The following CA10 variants were observed in gnomAD, a reference collection of about 807,000 sequenced individuals.
The protein encoded by CA10 is carbonic anhydrase 10 (inactive).
In CA10, 14 loss-of-function variants were observed where a neutral mutation model predicts 44.2. The observed-to-expected ratio is 0.32, with a 90% CI of 0.21 to 0.50. CA10 has a LOEUF of 0.50. Among genes scored for constraint, CA10 ranks in the 20% least tolerant of loss-of-function variants. The pLI is 0.99. For synonymous variants in CA10, 159 were observed against 141.6 expected (o/e 1.12, Z -0.87); for missense variants, 350 against 409.7 (o/e 0.85, Z 1.26).
intron 3 of CA10, among the ~76,000 whole-genome samples, chr17:51,770,408 C>T (rs147178838): frequency 2.0e-5 from 3 of 152,014 alleles, no homozygotes; most frequent in Non-Finnish European, 2.9e-5. Context: ...AACCCTCCCC[C>T]GAGACCCTAG....
intron 3 of CA10, among the ~76,000 whole-genome samples, chr17:51,814,450 G>C (rs547891414): frequency 5.5e-4 from 84 of 152,294 alleles, no homozygotes; most frequent in African/African-American, 1.9e-3. Flanking sequence ...AGAAATGTAC[G>C]AGTGGGAAAT....
intron 1 of CA10, among the ~76,000 whole-genome samples, chr17:52,091,776 T>C (rs1401445541): frequency 6.6e-6 from 1 of 152,114 alleles, no homozygotes; most frequent in African/African-American, 2.4e-5. Flanking sequence ...TAGCAGGAAA[T>C]GGCAAACACT....
At chr17:51,815,623 C>T (rs1346046670) in intron 3 of CA10, among the ~76,000 whole-genome samples, 16 of 151,980 alleles carry the variant, frequency 1.1e-4, no homozygotes, top group Admixed American at 9.2e-4. Flanking sequence ...TACCATCTGC[C>T]GGTAAAATCC....
At chr17:51,823,587 A>G (rs1240799728) in intron 3 of CA10, among the ~76,000 whole-genome samples, 1 of 152,150 alleles carries the variant, frequency 6.6e-6, no homozygotes, top group Non-Finnish European at 1.5e-5. Flanking sequence ...AACTTTTCTG[A>G]TTACTCCATT....
rs374421057 is a variant in CA10, at chr17:51,818,116, C to T, written c.280-70298G>A. ...GATACAAGTCAACCCTTGTTTATCTCTGCTGTTGAATTGCTGTGTGATCCT... is the reference window on the plus strand; with the variant it reads ...GATACAAGTCAACCCTTGTTTATCTTTGCTGTTGAATTGCTGTGTGATCCT... On this transcript the variant is annotated intron_variant, in intron 3 of 8. Coordinates refer to ENST00000451037, the MANE Select transcript of CA10 (RefSeq NM_020178.5). Among the ~76,000 whole-genome samples the T allele has an allele frequency of 1.2e-4, 18 of 152,306 alleles. 2 individuals carry two copies. Among genetic ancestry groups the T allele is most frequent in the African/African-American group, 4.3e-4 (18 of 41,572 alleles).
chr17:51,961,802 C>T (rs1311305090), intron 2 of CA10, among the ~76,000 whole-genome samples: 5 of 152,214 alleles, frequency 3.3e-5, no homozygotes, highest in East Asian at 1.9e-4. Flanking sequence ...TCAACCCTTA[C>T]TGTGCGTAGA....
intron 1 of CA10, among the ~76,000 whole-genome samples, chr17:52,073,354 A>C (rs1274335969): frequency 6.6e-6 from 1 of 152,148 alleles, no homozygotes; most frequent in Non-Finnish European, 1.5e-5. Context: ...TAGAGAGAAG[A>C]TTTACTAGAT....
chr17:51,748,994 G>C (rs118079355), intron 3 of CA10, among the ~76,000 whole-genome samples: 1,940 of 152,258 alleles, frequency 0.013, 17 homozygotes, highest in South Asian at 0.037. Flanking sequence ...ACTGATAGGG[G>C]CCATGGGTTG....
intron 4 of CA10, among the ~76,000 whole-genome samples, chr17:51,662,339 C>G (rs190174128): frequency 5.3e-5 from 8 of 152,268 alleles, no homozygotes; most frequent in African/African-American, 1.9e-4. Flanking sequence ...ACAGCTCACC[C>G]ATATTACCAC....
intron 3 of CA10, among the ~76,000 whole-genome samples, chr17:51,797,349 C>T (rs890369608): frequency 3.9e-5 from 6 of 152,218 alleles, no homozygotes; most frequent in South Asian, 2.1e-4. Flanking sequence ...CGCATGCGCG[C>T]GCACGCACGC....
intron 4 of CA10, among the ~76,000 whole-genome samples, chr17:51,655,521 T>C (rs988269055): frequency 6.6e-6 from 1 of 152,246 alleles, no homozygotes; most frequent in Non-Finnish European, 1.5e-5. Context: ...AAACCATATC[T>C]AACCCAGTGG....
intron 2 of CA10, among the ~76,000 whole-genome samples, chr17:52,016,842 G>A (rs1985983863): frequency 1.3e-5 from 2 of 152,130 alleles, no homozygotes; most frequent in South Asian, 4.1e-4. Flanking sequence ...GAAACCAGTA[G>A]GTGGAGGTTG....
At chr17:51,962,301 CAGT>C (rs1567901781) in intron 2 of CA10, among the ~76,000 whole-genome samples, 1 of 152,218 alleles carries the variant, frequency 6.6e-6, no homozygotes, top group Non-Finnish European at 1.5e-5. Flanking sequence ...GCCCCTTGCC[CAGT>C]CACACCTTTG....
intron 3 of CA10, among the ~76,000 whole-genome samples, chr17:51,898,831 G>A (rs1302271802): frequency 1.3e-5 from 2 of 151,854 alleles, no homozygotes; most frequent in African/African-American, 4.8e-5. Context: ...TATAGTATGT[G>A]TGCATAGAGG....
At chr17:51,862,507 C>G (rs1016300568) in intron 3 of CA10, among the ~76,000 whole-genome samples, 3 of 151,740 alleles carry the variant, frequency 2.0e-5, no homozygotes, top group African/African-American at 7.3e-5. Context: ...GGATGCCTTA[C>G]AGTAATCATA....
intron 2 of CA10, among the ~76,000 whole-genome samples, chr17:52,036,870 A>C (rs902825494): frequency 6.6e-6 from 1 of 152,174 alleles, no homozygotes; most frequent in Non-Finnish European, 1.5e-5. Context: ...TCAGAGCATG[A>C]TACATTCACA....
chr17:51,943,150 A>C (rs1296897949), intron 2 of CA10, among the ~76,000 whole-genome samples: 1 of 152,146 alleles, frequency 6.6e-6, no homozygotes, highest in Non-Finnish European at 1.5e-5. Flanking sequence ...TCTACACCCC[A>C]TAGTCAAATT....
intron 2 of CA10, among the ~76,000 whole-genome samples, chr17:52,059,294 G>A (rs951751140): frequency 1.3e-5 from 2 of 152,070 alleles, no homozygotes; most frequent in African/African-American, 4.8e-5. Context: ...GAGCTGGAAT[G>A]GTTCTTTGGA....
intron 3 of CA10, among the ~76,000 whole-genome samples, chr17:51,868,499 G>A (rs1567866879): frequency 6.6e-6 from 1 of 152,116 alleles, no homozygotes; most frequent in African/African-American, 2.4e-5. Context: ...TCCCAGAACT[G>A]ACCTTATTTT....
Sources: allele counts gnomAD v4.1 joint callset (sites outside exome capture counted in the v4.1 genomes callset), GRCh38; gene constraint gnomAD v4.1.1; transcripts MANE v1.5; gene names NCBI Gene and HGNC (gene_info 2026-07-23, HGNC 2026-07-21).